STK40: variants seen among roughly 807,000 people sequenced by gnomAD.
The protein encoded by STK40 is serine/threonine-protein kinase 40.
In STK40, 13 loss-of-function variants were observed where a neutral mutation model predicts 47.9. That is an observed-to-expected ratio of 0.27 (90% CI 0.18 to 0.43). The LOEUF (loss-of-function observed/expected upper bound fraction) is 0.43, where lower values mean the gene tolerates loss of function less well. STK40 is among the 20% of genes least tolerant of loss of function. The pLI, the probability that STK40 is intolerant of heterozygous loss-of-function variation, is 1.00. For missense variants in STK40, 460 were observed against 595.1 expected (o/e 0.77, Z 2.36); for synonymous variants, 225 against 243.2 (o/e 0.93, Z 0.69).
rs189618813 is a variant in STK40 at position 36,356,627 on chromosome 1, G to A, written c.343-1194C>T. On this transcript the variant is annotated intron_variant, in intron 4 of 10. Coordinates refer to ENST00000373132, the MANE Select transcript of STK40 (RefSeq NM_001282547.2). ...CTTTTAGTAGAGATGGGGTTTCACC[G>A]TGTTAGCCAGTATGGTCTCAATCTC... is the stretch of plus-strand genomic sequence containing the variant. 2.5e-3 allele frequency among the ~76,000 whole-genome samples: 387 copies of A among 151,924 alleles called. 2 individuals carry two copies. The highest frequency in any genetic ancestry group is 4.2e-3 in the Non-Finnish European group (285 of 67,944).
chr1:36,361,194 C>T lies in STK40; in HGVS notation c.112+27G>A, dbSNP rs763833185. ...CCCTGCCCCTGCCTCCCAGCCCACC[C>T]ATTTTTCCCAAAGGTCAGAGGCTTA... On this transcript the variant is annotated intron_variant, in intron 2 of 10. Transcript: ENST00000373132. 7.2e-5 allele frequency: 116 copies of T among 1,613,450 alleles called. No homozygotes were observed. Among genetic ancestry groups the T allele is most frequent in the South Asian group, 9.9e-5 (9 of 91,072 alleles).
intron 5 of STK40, among the ~76,000 whole-genome samples, chr1:36,354,854 T>C (rs895356024): frequency 1.3e-5 from 2 of 152,202 alleles, no homozygotes; most frequent in African/African-American, 4.8e-5. Flanking sequence ...CCAGCGTGCC[T>C]GACACCTCTA....
At chr1:36,357,904 C>T (rs1430119936) in intron 4 of STK40, among the ~76,000 whole-genome samples, 1 of 152,206 alleles carries the variant, frequency 6.6e-6, no homozygotes, top group African/African-American at 2.4e-5. Flanking sequence ...TGTGAGCCAC[C>T]GTGCCTGGCC....
chr1:36,345,199 G>C (rs1646689012), intron 7 of STK40, among the ~76,000 whole-genome samples: 1 of 152,238 alleles, frequency 6.6e-6, no homozygotes. Context: ...GCAGGCTGTG[G>C]CAGCCTGGAC....
intron 10 of STK40, chr1:36,342,959 T>C (rs1483146393): frequency 1.8e-6 from 1 of 566,520 alleles, no homozygotes; most frequent in East Asian, 3.0e-5. Flanking sequence ...CAACACTTTC[T>C]CCAGTGCAGG....
intron 1 of STK40, among the ~76,000 whole-genome samples, chr1:36,378,391 G>C (rs933165048): frequency 1.3e-5 from 2 of 152,186 alleles, no homozygotes; most frequent in Non-Finnish European, 2.9e-5. Flanking sequence ...TAAAATAAGA[G>C]ACAACCCTTA....
intron 1 of STK40, among the ~76,000 whole-genome samples, chr1:36,364,756 C>T (rs1557517676): frequency 1.3e-5 from 2 of 151,668 alleles, no homozygotes; most frequent in Non-Finnish European, 2.9e-5. Flanking sequence ...CCCAGGAGTT[C>T]GAGACCAGCC....
At chr1:36,374,799 C>A (rs1646978261) in intron 1 of STK40, among the ~76,000 whole-genome samples, 1 of 152,172 alleles carries the variant, frequency 6.6e-6, no homozygotes, top group South Asian at 2.1e-4. Context: ...ACTGGCAGGT[C>A]TTCCCTGTCA....
At chr1:36,374,241 C>G (rs1376313477) in intron 1 of STK40, among the ~76,000 whole-genome samples, 1 of 152,230 alleles carries the variant, frequency 6.6e-6, no homozygotes, top group African/African-American at 2.4e-5. Flanking sequence ...CCGAGGAAGT[C>G]CCCACTGGGC....
At position 36,361,208 on chromosome 1, in the gene STK40, G is replaced by T. The variant is rs764592709; in HGVS notation, c.112+13C>A. ...CCCAGCCCACCCATTTTTCCCAAAGGTCAGAGGCTTACCAAGGATGAATGG... is the reference window on the plus strand; with the variant it reads ...CCCAGCCCACCCATTTTTCCCAAAGTTCAGAGGCTTACCAAGGATGAATGG... On this transcript the variant is annotated intron_variant, in intron 2 of 10. Transcript: ENST00000373132. 3.1e-5 allele frequency: 50 copies of T among 1,613,796 alleles called. No individual in the cohort carries two copies. Among genetic ancestry groups the T allele is most frequent in the Non-Finnish European group, 4.1e-5 (48 of 1,179,986 alleles).
In STK40 at chr1:36,363,441, A is replaced by T. The variant is rs140952107; in HGVS notation, c.-8-2101T>A. ...GCAACATCACTTGAGATAGCTACAC[A>T]GGCTCCTTGGTACAAATATACAGTG... On this transcript the variant is annotated intron_variant, in intron 1 of 10. Coordinates refer to ENST00000373132, the MANE Select transcript of STK40 (RefSeq NM_001282547.2). Among the ~76,000 whole-genome samples the T allele has an allele frequency of 5.6e-3, 859 of 152,320 alleles. 3 individuals carry two copies. The highest frequency in any genetic ancestry group is 9.4e-3 in the Admixed American group (144 of 15,292).
rs562325883 is a variant in STK40 at position 36,342,646 on chromosome 1, G to A, written c.1090-673C>T. On this transcript the variant is annotated intron_variant, in intron 10 of 10. Coordinates refer to ENST00000373132, the MANE Select transcript of STK40 (RefSeq NM_001282547.2). ...TGCCCTCGGGGTAGGCACTCACTGC[G>A]GGCTAGTGATGATGATTTTAGCCAA... 3.8e-5 allele frequency: 6 copies of A among 159,856 alleles called. No individual in the cohort carries two copies. In the East Asian group the frequency reaches 9.5e-4, roughly 25 times the overall value. The allele number at this position is 159,856 out of a possible 1,614,324, so 9.9% of individuals were successfully genotyped here.
At chr1:36,371,349 T>A (rs1646944751) in intron 1 of STK40, among the ~76,000 whole-genome samples, 1 of 148,840 alleles carries the variant, frequency 6.7e-6, no homozygotes, top group Non-Finnish European at 1.5e-5. Flanking sequence ...GGTCAGGAGA[T>A]CGAGACCATC....
At chr1:36,373,010 G>A (rs1646963934) in intron 1 of STK40, among the ~76,000 whole-genome samples, 2 of 152,168 alleles carry the variant, frequency 1.3e-5, no homozygotes, top group Admixed American at 1.3e-4. Context: ...TTCAAGCCAT[G>A]GACAAGTTAC....
At chr1:36,373,980 T>A (rs1204585038) in intron 1 of STK40, among the ~76,000 whole-genome samples, 1 of 152,104 alleles carries the variant, frequency 6.6e-6, no homozygotes, top group African/African-American at 2.4e-5. Flanking sequence ...CAGTGGGAAG[T>A]GGGAGGGGCG....
intron 6 of STK40, among the ~76,000 whole-genome samples, chr1:36,350,455 G>A (rs549714740): frequency 6.6e-6 from 1 of 152,346 alleles, no homozygotes; most frequent in East Asian, 1.9e-4. Context: ...TCAGGAGAAA[G>A]TACGGTGGGT....
Position 36,350,197 on chromosome 1 carries a change from C to G in STK40, c.624-1382G>C, listed in dbSNP as rs567121160. Among the ~76,000 whole-genome samples the G allele has an allele frequency of 5.3e-5, 8 of 152,330 alleles. No homozygotes were observed. The East Asian group carries it at 1.2e-3, about 22-fold the overall frequency. ...AGGAGTCTGACTGGTGGCCCGCAGG[C>G]GGCTAGAGCCTGATCGCACAGGTGA... On this transcript the variant is annotated intron_variant, in intron 6 of 10. Coordinates refer to ENST00000373132, the MANE Select transcript of STK40 (RefSeq NM_001282547.2).
At position 36,345,989 on chromosome 1, in the gene STK40, A is replaced by ATTTT. The variant is rs1330462605; in HGVS notation, c.740-1726_740-1725insAAAA. On this transcript the variant is annotated intron_variant, in intron 7 of 10. Transcript: ENST00000373132. ...ATTACATATATATATATATATATAT[A>ATTTT]TATTTTTTTTTTTTTTTTTTCCTGA... Among the ~76,000 whole-genome samples the ATTTT allele has an allele frequency of 2.4e-3, 46 of 19,572 alleles. 1 individual carries two copies. The East Asian group carries it at 0.04, about 17-fold the overall frequency. 12.8% of individuals were successfully genotyped at this position (19,572 alleles called of 152,430 possible). A position where few individuals can be genotyped will look rare whatever the true frequency, so the allele number is the denominator to read the frequency against.
intron 4 of STK40, among the ~76,000 whole-genome samples, chr1:36,356,781 T>C (rs1646810235): frequency 6.6e-6 from 1 of 152,166 alleles, no homozygotes; most frequent in African/African-American, 2.4e-5. Context: ...CCTAGCACAG[T>C]GTCTGGCACA....
Sources: allele counts gnomAD v4.1 joint callset (sites outside exome capture counted in the v4.1 genomes callset), GRCh38; gene constraint gnomAD v4.1.1; transcripts MANE v1.5; gene names NCBI Gene and HGNC (gene_info 2026-07-23, HGNC 2026-07-21).